The following MOXD1 variants were observed in gnomAD, a reference collection of about 807,000 sequenced individuals.
MOXD1 encodes DBH-like monooxygenase protein 1.
A neutral mutation model predicts 66.6 loss-of-function variants in MOXD1; 62 were observed. The ratio of observed to expected loss-of-function variants is 0.93; its 90% CI spans 0.76 to 1.15. The LOEUF (loss-of-function observed/expected upper bound fraction) is 1.15. Among genes scored for constraint, MOXD1 ranks in the 50% most tolerant of loss-of-function variants. MOXD1 has a pLI of 0.00. For synonymous variants in MOXD1, 303 were observed against 281.9 expected (o/e 1.07, Z -0.75); for missense variants, 847 against 754.6 (o/e 1.12, Z -1.44).
chr6:132,343,492 T>C (rs980266973), intron 4 of MOXD1, among the ~76,000 whole-genome samples: 4 of 152,060 alleles, frequency 2.6e-5, no homozygotes, highest in African/African-American at 4.8e-5. Context: ...GGAGAGTCAC[T>C]TGAACCCAGA....
chr6:132,317,652 C>G (rs1193025189), intron 9 of MOXD1, among the ~76,000 whole-genome samples: 1 of 151,844 alleles, frequency 6.6e-6, no homozygotes, highest in African/African-American at 2.4e-5. Flanking sequence ...AGACAGTGCA[C>G]CAAAATACCC....
At chr6:132,385,972 G>A (rs1307482235) in intron 1 of MOXD1, among the ~76,000 whole-genome samples, 1 of 150,844 alleles carries the variant, frequency 6.6e-6, no homozygotes, top group Non-Finnish European at 1.5e-5. Flanking sequence ...GCGTGGTGGC[G>A]GGCGCCTGTA....
At chr6:132,307,208 G>T (rs1219111382) in intron 10 of MOXD1, among the ~76,000 whole-genome samples, 3 of 151,994 alleles carry the variant, frequency 2.0e-5, no homozygotes, top group Admixed American at 2.0e-4. Context: ...AAAAAAGCAG[G>T]GGTTGCAATC....
intron 1 of MOXD1, among the ~76,000 whole-genome samples, chr6:132,379,387 T>A (rs1020465474): frequency 6.6e-6 from 1 of 152,136 alleles, no homozygotes; most frequent in African/African-American, 2.4e-5. Flanking sequence ...ATAAAAAACC[T>A]ACAGCTAACA....
At chr6:132,349,898 C>T (rs1162621359) in intron 4 of MOXD1, among the ~76,000 whole-genome samples, 1 of 152,060 alleles carries the variant, frequency 6.6e-6, no homozygotes, top group Non-Finnish European at 1.5e-5. Context: ...TTTTCAAATG[C>T]TTGTTGGCTA....
chr6:132,348,349 T>G (rs1775707876), intron 4 of MOXD1, among the ~76,000 whole-genome samples: 1 of 152,220 alleles, frequency 6.6e-6, no homozygotes, highest in South Asian at 2.1e-4. Context: ...TCACCCTAAC[T>G]TAATCCAGTA....
chr6:132,397,263 G>T (rs1776903541), intron 1 of MOXD1, among the ~76,000 whole-genome samples: 1 of 152,228 alleles, frequency 6.6e-6, no homozygotes, highest in South Asian at 2.1e-4. Flanking sequence ...GTGAGCAAAA[G>T]AAATTTGTCA....
intron 1 of MOXD1, among the ~76,000 whole-genome samples, chr6:132,386,433 C>CAAAA (rs143926667): frequency 6.1e-5 from 4 of 65,106 alleles, no homozygotes; most frequent in Admixed American, 1.7e-4. Context: ...CAAAACAAAA[C>CAAAA]AAAAAAAAAA....
chr6:132,300,025 A>G (rs1774496878), intron 10 of MOXD1, among the ~76,000 whole-genome samples: 1 of 152,072 alleles, frequency 6.6e-6, no homozygotes, highest in Non-Finnish European at 1.5e-5. Flanking sequence ...TAAATTTGAA[A>G]TATTTCTTCC....
chr6:132,385,336 T>C (rs1163773544), intron 1 of MOXD1, among the ~76,000 whole-genome samples: 1 of 152,104 alleles, frequency 6.6e-6, no homozygotes, highest in East Asian at 1.9e-4. Flanking sequence ...TCAGCTTTGC[T>C]TTTGAAGCCC....
intron 1 of MOXD1, chr6:132,392,213 T>G: frequency 3.1e-6 from 5 of 1,596,646 alleles, no homozygotes; most frequent in Non-Finnish European, 4.3e-6. Flanking sequence ...TCCAAGCACT[T>G]CCTCAGCAAG....
At chr6:132,390,829 T>A (rs1238149300) in intron 1 of MOXD1, 1 of 151,414 alleles carries the variant, frequency 6.6e-6, no homozygotes, top group Non-Finnish European at 1.5e-5. Context: ...GAATGAAAAA[T>A]CATAAAAATC....
intron 2 of MOXD1, among the ~76,000 whole-genome samples, chr6:132,373,890 G>A (rs982958073): frequency 1.3e-5 from 2 of 151,988 alleles, no homozygotes; most frequent in Admixed American, 6.5e-5. Context: ...ACTGTATATT[G>A]CATTAAAAAG....
chr6:132,349,454 TATATATATATAC>T lies in MOXD1; in HGVS notation c.664-20872_664-20861del, dbSNP rs1562290086. ...ATATATACATATATATATATATACA[TATATATATATAC>T]ATATATATATATATACATATATATA... On this transcript the variant is annotated intron_variant, in intron 4 of 11. Coordinates refer to ENST00000367963, the MANE Select transcript of MOXD1 (RefSeq NM_015529.4). 1.2e-3 allele frequency among the ~76,000 whole-genome samples: 31 copies of T among 25,512 alleles called. 5 individuals are homozygous for T. Among genetic ancestry groups the T allele is most frequent in the African/African-American group, 5.8e-3 (27 of 4,644 alleles). 16.7% of individuals were successfully genotyped at this position (25,512 alleles called of 152,430 possible).
chr6:132,376,668 T>A lies in MOXD1; in HGVS notation c.265-1891A>T, dbSNP rs562640492. ...AGCTGGGACTACAGGCGCCCGCCAC[T>A]ACGCCCGGCTAATTTTTTGTATTTT... On this transcript the variant is annotated intron_variant, in intron 1 of 11. Coordinates refer to ENST00000367963, the MANE Select transcript of MOXD1 (RefSeq NM_015529.4). 3.0e-5 allele frequency among the ~76,000 whole-genome samples: 3 copies of A among 98,478 alleles called. 1 individual carries two copies. Among genetic ancestry groups the A allele is most frequent in the Non-Finnish European group, 5.0e-5 (3 of 59,840 alleles). The allele number at this position is 98,478 out of a possible 152,430, so 64.6% of individuals were successfully genotyped here. A position where few individuals can be genotyped will look rare whatever the true frequency, so the allele number is the denominator to read the frequency against.
rs181497181 is a variant in MOXD1, at chr6:132,359,658, T to A, written c.663+12950A>T. 4.5e-3 allele frequency among the ~76,000 whole-genome samples: 678 copies of A among 152,190 alleles called. 9 individuals are homozygous for A. The highest frequency in any genetic ancestry group is 0.015 in the African/African-American group (641 of 41,536). ...CCCGCCACGAAGCCCGGCTAATTTT[T>A]TGTATTTTTAGTAGAGGCGGGGTTT... On this transcript the variant is annotated intron_variant, in intron 4 of 11. Coordinates refer to ENST00000367963, the MANE Select transcript of MOXD1 (RefSeq NM_015529.4).
rs869205496 is a variant in MOXD1 at position 132,340,638 on chromosome 6, A to ATT, written c.664-12046_664-12045dup. Reference sequence around the variant, plus strand: ...ACAACATGCTAAAACAACAAGACTCATTTTTTTTTTTTTTTTTTTTTTTTT... The same window carrying ATT: ...ACAACATGCTAAAACAACAAGACTCATTTTTTTTTTTTTTTTTTTTTTTTTTT... On this transcript the variant is annotated intron_variant, in intron 4 of 11. Transcript: ENST00000367963. Among the ~76,000 whole-genome samples the ATT allele has an allele frequency of 7.8e-3, 775 of 98,756 alleles. 74 individuals carry two copies. Among genetic ancestry groups the ATT allele is most frequent in the African/African-American group, 0.028 (621 of 22,536 alleles). The allele number at this position is 98,756 out of a possible 152,430, so 64.8% of individuals were successfully genotyped here.
Position 132,374,639 on chromosome 6 carries a change from T to C in MOXD1, c.403A>G (p.Ser135Gly). ...ELHTCDINDK[S>G]ITDSTVRVIW... Reference sequence around the variant, plus strand: ...ACTCATAGATGCCTTACCGTTATACTCTTGTCATTTATGTCACATGTATGC... The same window carrying C: ...ACTCATAGATGCCTTACCGTTATACCCTTGTCATTTATGTCACATGTATGC... Residue 135 changes from serine (S) to glycine (G), a missense_variant, in exon 2 of 12, where the codon AGT (serine) becomes GGT (glycine). Ser to Gly is a moderately conservative substitution (Grantham distance 56). Transcript: ENST00000367963. 6.2e-7 allele frequency: 1 copy of C among 1,613,802 alleles called. No individual in the cohort carries two copies. Among genetic ancestry groups the C allele is most frequent in the Non-Finnish European group, 8.5e-7 (1 of 1,179,956 alleles).
intron 10 of MOXD1, among the ~76,000 whole-genome samples, chr6:132,309,219 A>G (rs1194389717): frequency 6.6e-6 from 1 of 152,162 alleles, no homozygotes; most frequent in Admixed American, 6.5e-5. Flanking sequence ...ATTCCTTTAC[A>G]CCAACAATAG....
Sources: gnomAD v4.1 joint callset for allele counts (sites outside exome capture counted in the v4.1 genomes callset) on GRCh38, gnomAD v4.1.1 for gene constraint, MANE v1.5 for transcripts, NCBI Gene and HGNC (gene_info 2026-07-23, HGNC 2026-07-21) for gene names.